Variants in RAP1A observed in about 807,000 individuals in gnomAD.
The protein encoded by RAP1A is RAP1A, member of RAS oncogene family.
A neutral mutation model predicts 26.4 loss-of-function variants in RAP1A; 6 were observed. The observed-to-expected ratio is 0.23, with a 90% CI of 0.12 to 0.45. The LOEUF is 0.45. Ranked by LOEUF, RAP1A falls within the 20% of genes least tolerant of loss-of-function variation. The probability of loss-of-function intolerance (pLI) is 0.99; values close to 1 mark genes in which losing one functional copy is unlikely to be tolerated. For missense variants in RAP1A, 121 were observed against 217.2 expected (o/e 0.56, Z 2.78); for synonymous variants, 73 against 79.4 (o/e 0.92, Z 0.43).
intron 1 of RAP1A, among the ~76,000 whole-genome samples, chr1:111,642,169 C>T (rs897409475): frequency 2.0e-5 from 3 of 152,024 alleles, no homozygotes; most frequent in Admixed American, 1.3e-4. Context: ...CACGTGAACC[C>T]GGGAGGCGGA....
intron 1 of RAP1A, among the ~76,000 whole-genome samples, chr1:111,666,385 A>G (rs1259066318): frequency 6.6e-6 from 1 of 152,194 alleles, no homozygotes; most frequent in African/African-American, 2.4e-5. Flanking sequence ...CAACATGTGC[A>G]TATATTAGTT....
At chr1:111,574,260 T>C (rs1032389481) in intron 1 of RAP1A, among the ~76,000 whole-genome samples, 1 of 152,214 alleles carries the variant, frequency 6.6e-6, no homozygotes. Flanking sequence ...GAAGATCAGA[T>C]GGCTGTAGGT....
chr1:111,642,590 C>A (rs1659927068), intron 1 of RAP1A, among the ~76,000 whole-genome samples: 1 of 151,806 alleles, frequency 6.6e-6, no homozygotes, highest in Admixed American at 6.6e-5. Flanking sequence ...TAGGTTCACG[C>A]CATTCTCCTG....
intron 1 of RAP1A, among the ~76,000 whole-genome samples, chr1:111,596,694 G>T (rs1658569858): frequency 6.6e-6 from 1 of 152,228 alleles, no homozygotes; most frequent in African/African-American, 2.4e-5. Flanking sequence ...TGTGGTGGCT[G>T]GCGAGGGCCC....
chr1:111,586,392 G>C (rs916927040), intron 1 of RAP1A, among the ~76,000 whole-genome samples: 9 of 152,124 alleles, frequency 5.9e-5, no homozygotes, highest in African/African-American at 2.2e-4. Context: ...CCAGGAACCT[G>C]GGCAACATTG....
intron 1 of RAP1A, among the ~76,000 whole-genome samples, chr1:111,581,390 A>G (rs1025179301): frequency 1.3e-5 from 2 of 152,184 alleles, no homozygotes; most frequent in African/African-American, 4.8e-5. Context: ...GGCTGTCACA[A>G]CTGGGGTAGA....
intron 1 of RAP1A, among the ~76,000 whole-genome samples, chr1:111,552,384 A>G (rs1489435261): frequency 6.6e-6 from 1 of 152,232 alleles, no homozygotes; most frequent in Non-Finnish European, 1.5e-5. Context: ...ATGAAGACTC[A>G]GCTATTTTTC....
intron 1 of RAP1A, among the ~76,000 whole-genome samples, chr1:111,674,947 T>C (rs1373254742): frequency 6.6e-6 from 1 of 152,200 alleles, no homozygotes; most frequent in African/African-American, 2.4e-5. Context: ...AATACAAATC[T>C]AATCATATTA....
At chr1:111,652,116 G>C (rs2101138026) in intron 1 of RAP1A, among the ~76,000 whole-genome samples, 1 of 152,168 alleles carries the variant, frequency 6.6e-6, no homozygotes, top group African/African-American at 2.4e-5. Flanking sequence ...TGGAACTATA[G>C]GCTTGTGCCA....
chr1:111,684,743 C>T (rs1661415914), intron 1 of RAP1A, among the ~76,000 whole-genome samples: 2 of 152,074 alleles, frequency 1.3e-5, no homozygotes, highest in Admixed American at 1.3e-4. Context: ...CCCCATAAAG[C>T]TACCATTGAG....
intron 1 of RAP1A, among the ~76,000 whole-genome samples, chr1:111,595,558 G>A (rs1204863217): frequency 1.3e-5 from 2 of 152,048 alleles, no homozygotes; most frequent in Non-Finnish European, 2.9e-5. Flanking sequence ...GATCTTTTTT[G>A]TTTTAACATA....
chr1:111,624,465 C>G (rs557243088), intron 1 of RAP1A, among the ~76,000 whole-genome samples: 1 of 152,210 alleles, frequency 6.6e-6, no homozygotes, highest in Non-Finnish European at 1.5e-5. Context: ...AATTCACATT[C>G]TCTCAGTCTC....
intron 1 of RAP1A, among the ~76,000 whole-genome samples, chr1:111,580,858 C>CA (rs1307955812): frequency 5.5e-4 from 23 of 41,800 alleles, no homozygotes; most frequent in Non-Finnish European, 1.3e-3. Flanking sequence ...AACAAAAAAA[C>CA]AAAAAACAAA....
chr1:111,564,031 T>A, intron 1 of RAP1A: 1 of 1,052,380 alleles, frequency 9.5e-7, no homozygotes, highest in Non-Finnish European at 1.5e-6. Flanking sequence ...CTTCTGCCAT[T>A]AGAGAACCAG....
intron 1 of RAP1A, among the ~76,000 whole-genome samples, chr1:111,547,204 A>C (rs904856506): frequency 1.3e-5 from 2 of 152,124 alleles, no homozygotes; most frequent in Non-Finnish European, 2.9e-5. Context: ...ACCTTTCACC[A>C]TTAAGTATAA....
chr1:111,608,149 C>T (rs971879621), intron 1 of RAP1A: 22 of 174,704 alleles, frequency 1.3e-4, no homozygotes, highest in Non-Finnish European at 2.2e-4. Flanking sequence ...TCAGACGGGG[C>T]GGCTGCGAGG....
At chr1:111,547,116 T>C (rs1392908731) in intron 1 of RAP1A, among the ~76,000 whole-genome samples, 1 of 152,216 alleles carries the variant, frequency 6.6e-6, no homozygotes, top group Non-Finnish European at 1.5e-5. Context: ...TATATTGGTC[T>C]TGTATCCTTC....
At chr1:111,662,036 A>G (rs946654567) in intron 1 of RAP1A, among the ~76,000 whole-genome samples, 3 of 152,108 alleles carry the variant, frequency 2.0e-5, no homozygotes, top group African/African-American at 4.8e-5. Flanking sequence ...AAACTGATTC[A>G]TCTCTCATGA....
chr1:111,555,580 A>T (rs965967775), intron 1 of RAP1A, among the ~76,000 whole-genome samples: 5 of 152,190 alleles, frequency 3.3e-5, no homozygotes, highest in Admixed American at 1.3e-4. Flanking sequence ...ACTACAAAAT[A>T]TTAAGAAACA....
Sources: allele counts gnomAD v4.1 joint callset (sites outside exome capture counted in the v4.1 genomes callset), GRCh38; gene constraint gnomAD v4.1.1; transcripts MANE v1.5; gene names NCBI Gene and HGNC (gene_info 2026-07-23, HGNC 2026-07-21).